The following KLHL28 variants were observed in gnomAD, a reference collection of about 807,000 sequenced individuals.
The protein encoded by KLHL28 is kelch like family member 28, also known as kelch-like protein 28.
Under a neutral mutation model 48.3 loss-of-function variants are expected in KLHL28, and 22 were observed. That is an observed-to-expected ratio of 0.46 (90% confidence interval 0.33 to 0.65). The LOEUF (loss-of-function observed/expected upper bound fraction) is 0.65, where lower values mean the gene tolerates loss of function less well. Ranked by LOEUF, KLHL28 falls within the 30% of genes least tolerant of loss-of-function variation. KLHL28 has a pLI of 0.03. For missense variants in KLHL28, 527 were observed against 704.3 expected (o/e 0.75, Z 2.85); for synonymous variants, 243 against 242.4 (o/e 1.00, Z -0.02).
chr14:44,955,919 T>C (rs1454325678), intron 1 of KLHL28, among the ~76,000 whole-genome samples: 1 of 152,192 alleles, frequency 6.6e-6, no homozygotes, highest in Non-Finnish European at 1.5e-5. Flanking sequence ...TCATCAATAA[T>C]AATAACTGCA....
chr14:44,935,933 A>C (rs1883809493), intron 2 of KLHL28, among the ~76,000 whole-genome samples: 2 of 55,190 alleles, frequency 3.6e-5, no homozygotes, highest in Non-Finnish European at 1.0e-4. Context: ...AGTTGGGAAA[A>C]AGTAGCTAAT....
Position 44,931,466 on chromosome 14 carries a change from G to A in KLHL28, c.1419C>T (p.Gly473=), listed in dbSNP as rs746446879. The A allele has an allele frequency of 8.1e-6, 13 of 1,613,626 alleles. No homozygotes were observed. Among genetic ancestry groups the A allele is most frequent in the Middle Eastern group, 1.6e-4 (1 of 6,084 alleles). Residue 473 remains glycine (G), a synonymous_variant, in exon 4 of 5, where the codon GGC becomes GGT. Transcript: ENST00000396128. ...ASMADKRIHF[G]VGVMLGFIFV... ...AAATAAAGCCTAGCATGACACCCAC[G>A]CCAAAGTGAATCCTTTTATCTGCCA...
Position 44,928,010 on chromosome 14 carries a change from A to G in KLHL28, c.*1018T>C, listed in dbSNP as rs369559749. 1.3e-5 allele frequency: 2 copies of G among 152,646 alleles called. No individual in the cohort carries two copies. The highest frequency in any genetic ancestry group is 2.1e-4 in the South Asian group (1 of 4,826). 9.5% of individuals were successfully genotyped at this position (152,646 alleles called of 1,614,324 possible). On this transcript the variant is annotated 3_prime_UTR_variant, in exon 5 of 5. Transcript: ENST00000396128. ...GCACAAATGAATCAAGCCATTAAAA[A>G]TGCAAAAGACTATCAAAACATGTCA...
At chr14:44,948,461 G>C (rs1884434625) in intron 1 of KLHL28, among the ~76,000 whole-genome samples, 1 of 152,080 alleles carries the variant, frequency 6.6e-6, no homozygotes, top group Non-Finnish European at 1.5e-5. Flanking sequence ...TGGAATAATA[G>C]GTACCAGCCT....
intron 2 of KLHL28, among the ~76,000 whole-genome samples, chr14:44,936,801 T>C (rs1455464593): frequency 6.6e-6 from 1 of 152,152 alleles, no homozygotes; most frequent in Non-Finnish European, 1.5e-5. Context: ...ATGATGACTG[T>C]GATGTTTCTC....
chr14:44,939,125 C>T (rs1216115723), intron 2 of KLHL28, among the ~76,000 whole-genome samples: 3 of 152,170 alleles, frequency 2.0e-5, no homozygotes, highest in Admixed American at 1.3e-4. Context: ...CAGCCTGAGC[C>T]ACATCTGGGC....
chr14:44,960,866 AG>A, intron 1 of KLHL28: 1 of 1,434,064 alleles, frequency 7.0e-7, no homozygotes, highest in Non-Finnish European at 9.5e-7. Flanking sequence ...GACTTTAAAA[AG>A]TATTTAAGAG....
intron 1 of KLHL28, 44 bp from the exon 2 acceptor site, chr14:44,945,972 C>G (rs374206902): frequency 8.1e-6 from 12 of 1,488,112 alleles, no homozygotes; most frequent in Non-Finnish European, 1.1e-5. Flanking sequence ...TCAAAGTAAA[C>G]TTGTCAAAAA....
rs1233257500 is a variant in KLHL28, at chr14:44,935,905, T to TATATATATATATATATATATATA, written c.900-1348_900-1347insTATATATATATATATATATATAT. Among the ~76,000 whole-genome samples the TATATATATATATATATATATATA allele has an allele frequency of 7.4e-4, 92 of 123,582 alleles. 1 individual carries two copies. The highest frequency in any genetic ancestry group is 1.0e-3 in the Non-Finnish European group (57 of 55,182). The allele number at this position is 123,582 out of a possible 152,430, so 81.1% of individuals were successfully genotyped here. On this transcript the variant is annotated intron_variant, in intron 2 of 4. Coordinates refer to ENST00000396128, the MANE Select transcript of KLHL28 (RefSeq NM_017658.5). ...ATATATGTGTGTATATATATATATC[T>TATATATATATATATATATATATA]TTACCCTCCCCCCGCAAAGTTGGGA...
intron 2 of KLHL28, among the ~76,000 whole-genome samples, chr14:44,938,564 G>A (rs1050958112): frequency 9.9e-5 from 15 of 152,130 alleles, no homozygotes; most frequent in Admixed American, 8.5e-4. Flanking sequence ...TAGAGATGGG[G>A]TTTCACTGTG....
chr14:44,928,993 T>G lies in KLHL28; in HGVS notation c.*35A>C. ...ATCCGGATGTTCATGCAGTACAAGT[T>G]TCACCACCATACTATTTCCGAGAGT... On this transcript the variant is annotated 3_prime_UTR_variant, in exon 5 of 5. Coordinates refer to ENST00000396128, the MANE Select transcript of KLHL28 (RefSeq NM_017658.5). 1 of 1,606,778 alleles carries G rather than the reference T, an allele frequency of 6.2e-7. No individual in the cohort carries two copies. Among genetic ancestry groups the G allele is most frequent in the Non-Finnish European group, 8.5e-7 (1 of 1,174,548 alleles).
intron 2 of KLHL28, among the ~76,000 whole-genome samples, chr14:44,940,494 T>G (rs73334148): frequency 0.1 from 15,564 of 152,244 alleles, 1,112 homozygotes; most frequent in African/African-American, 0.2. Context: ...TCCTTATGAC[T>G]CCTTATGTAT....
rs1884263113 is a variant in KLHL28 at position 44,945,031 on chromosome 14, T to C, written c.898A>G (p.Ser300Gly). The change falls in exon 2 of 5, where the codon AGT becomes GGT. Residue 300 changes from serine (S) to glycine (G), a missense_variant and splice_region_variant. Coordinates refer to ENST00000396128, the MANE Select transcript of KLHL28 (RefSeq NM_017658.5). ...CATTTAGGAAAGCCTTCTATTTACC[T>C]ATCCAAACAGGCAAAGAGTCCAGAT... ...GKSGLFACLD[S>G]VEMYFPQNDS... 1.3e-6 allele frequency: 2 copies of C among 1,582,516 alleles called. No individual in the cohort carries two copies. The highest frequency in any genetic ancestry group is 1.3e-5 in the African/African-American group (1 of 74,230).
intron 4 of KLHL28, among the ~76,000 whole-genome samples, chr14:44,930,995 C>T (rs922005495): frequency 2.0e-5 from 3 of 151,990 alleles, no homozygotes; most frequent in Non-Finnish European, 4.4e-5. Flanking sequence ...CAGAACAATC[C>T]GAGGATTGTA....
At chr14:44,960,880 A>G in intron 1 of KLHL28, 1 of 1,508,528 alleles carries the variant, frequency 6.6e-7, no homozygotes, top group Non-Finnish European at 9.0e-7. Flanking sequence ...TTTAAGAGAA[A>G]TCCCACCTGG....
chr14:44,924,959 A>T lies in KLHL28; in HGVS notation c.*4069T>A, dbSNP rs532063484. 2 of 152,618 alleles carry T rather than the reference A, an allele frequency of 1.3e-5. No homozygotes were observed. The highest frequency in any genetic ancestry group is 1.9e-4 in the East Asian group (1 of 5,180). 9.5% of individuals were successfully genotyped at this position (152,618 alleles called of 1,614,324 possible). ...GTATTAAAAATGTATTGTATTCCTC[A>T]CTCTTTTCAAATGTGTATCAACACC... On this transcript the variant is annotated 3_prime_UTR_variant, in exon 5 of 5. Coordinates refer to ENST00000396128, the MANE Select transcript of KLHL28 (RefSeq NM_017658.5).
chr14:44,946,150 C>T (rs535045191), intron 1 of KLHL28, among the ~76,000 whole-genome samples: 41 of 152,182 alleles, frequency 2.7e-4, no homozygotes, highest in African/African-American at 8.7e-4. Context: ...GAAATGGAAG[C>T]CCAAAAGGTT....
rs1207446887 is a variant in KLHL28, at chr14:44,926,646, A to C, written c.*2382T>G. On this transcript the variant is annotated 3_prime_UTR_variant, in exon 5 of 5. Transcript: ENST00000396128. ...CTCAGCCTCCCAAGTAGCTGGGATT[A>C]CAGGTACCTGCCACAATGCCCAGCT... 1 of 152,014 alleles carries C rather than the reference A, an allele frequency of 6.6e-6. No individual in the cohort carries two copies. The highest frequency in any genetic ancestry group is 6.6e-5 in the Admixed American group (1 of 15,254). 9.4% of individuals were successfully genotyped at this position (152,014 alleles called of 1,614,324 possible).
intron 2 of KLHL28, among the ~76,000 whole-genome samples, chr14:44,940,081 T>C (rs1170286983): frequency 2.0e-5 from 3 of 152,198 alleles, no homozygotes; most frequent in Non-Finnish European, 4.4e-5. Context: ...CATCCCATGA[T>C]GGAAGACATC....
Sources: allele counts gnomAD v4.1 joint callset (sites outside exome capture counted in the v4.1 genomes callset), GRCh38; gene constraint gnomAD v4.1.1; transcripts MANE v1.5; gene names NCBI Gene and HGNC (gene_info 2026-07-23, HGNC 2026-07-21).